Variants in NDRG1 observed in about 807,000 individuals in gnomAD.
NDRG1 encodes the protein N-myc downstream regulated 1.
A neutral mutation model predicts 56.9 loss-of-function variants in NDRG1; 32 were observed. The ratio of observed to expected loss-of-function variants is 0.56; its 90% CI spans 0.42 to 0.76. The LOEUF is 0.76. Among genes scored for constraint, NDRG1 ranks in the 30% least tolerant of loss-of-function variants. NDRG1 has a pLI of 0.00. For synonymous variants in NDRG1, 211 were observed against 204.1 expected, an observed-to-expected ratio of 1.03 and a Z score of -0.29; for missense variants, 507 against 545.7, an observed-to-expected ratio of 0.93 and a Z score of 0.71.
Position 133,237,582 on chromosome 8 carries a change from G to C in NDRG1, c.*1296C>G, listed in dbSNP as rs886062711. ...CGTCAGTGGTGCTGCCCCATTCGGC[G>C]AAAGGTTAGGGAGCAGGAAAAGAGG... is the stretch of plus-strand genomic sequence containing the variant. On this transcript the variant is annotated 3_prime_UTR_variant, in exon 16 of 16. Transcript: ENST00000323851. The C allele has an allele frequency of 4.3e-6, 1 of 233,218 alleles. No individual in the cohort carries two copies. The highest frequency in any genetic ancestry group is 8.5e-6 in the Non-Finnish European group (1 of 118,008). The allele number at this position is 233,218 out of a possible 1,614,324, so 14.4% of individuals were successfully genotyped here.
chr8:133,272,064 A>G (rs139985614), intron 3 of NDRG1, among the ~76,000 whole-genome samples: 85 of 152,302 alleles, frequency 5.6e-4, no homozygotes, highest in Non-Finnish European at 5.6e-4. Flanking sequence ...AGCCTCACAC[A>G]ATGGAAGACC....
intron 3 of NDRG1, 134 bp from the exon 4 acceptor site, chr8:133,264,786 G>A (rs1445406048): frequency 6.6e-6 from 5 of 758,376 alleles, no homozygotes; most frequent in Admixed American, 2.0e-5. Context: ...CCCCGGCTTC[G>A]GGCAGCAGCT....
chr8:133,246,365 C>T (rs971147095), intron 13 of NDRG1, among the ~76,000 whole-genome samples: 2 of 152,330 alleles, frequency 1.3e-5, no homozygotes, highest in Non-Finnish European at 2.9e-5. Context: ...CATCCCTGGT[C>T]CCTCTATCCC....
At chr8:133,247,848 C>G (rs200688872) in intron 12 of NDRG1, 27 bp downstream of exon 12, 41 of 1,612,676 alleles carry the variant, frequency 2.5e-5, no homozygotes, top group Admixed American at 3.3e-5. Context: ...GAATTAAACA[C>G]AGAAATCAGC....
At position 133,286,679 on chromosome 8, in the gene NDRG1, G is replaced by A. The variant is rs865968589; in HGVS notation, c.-18-2350C>T. 7.2e-5 allele frequency among the ~76,000 whole-genome samples: 11 copies of A among 152,328 alleles called. No homozygotes were observed. The South Asian group carries it at 2.1e-3, about 29-fold the overall frequency. ...TGGGAAGTCCAGAGATAAAACTGCT[G>A]AGGATGATCACGGGGTATATCTAAA... On this transcript the variant is annotated intron_variant, in intron 1 of 15. Transcript: ENST00000323851.
rs776830575 is a variant in NDRG1, at chr8:133,258,389, C to T, written c.427G>A (p.Ala143Thr). 16 of 1,612,134 alleles carry T rather than the reference C, an allele frequency of 9.9e-6. No individual in the cohort carries two copies. Among genetic ancestry groups the T allele is most frequent in the South Asian group, 3.3e-5 (3 of 90,568 alleles). Reference sequence around the variant, plus strand: ...ACAGCAAATCGAGTTAGGATGTAGGCGCCTGCTCCTGTTCCCATGCCAATA... The same window carrying T: ...ACAGCAAATCGAGTTAGGATGTAGGTGCCTGCTCCTGTTCCCATGCCAATA... ...SIIGMGTGAG[A>T]YILTRFALNN... The change falls in exon 7 of 16, where the codon GCC (alanine) becomes ACC (threonine). Residue 143 changes from alanine (A) to threonine (T), a missense_variant. Transcript: ENST00000323851.
chr8:133,273,419 G>A (rs1857293339), intron 3 of NDRG1, among the ~76,000 whole-genome samples: 1 of 152,160 alleles, frequency 6.6e-6, no homozygotes. Context: ...TCTCACCATG[G>A]CGTGACACTG....
Position 133,237,945 on chromosome 8 carries a change from C to CT in NDRG1, c.*932_*933insA, listed in dbSNP as rs1855150654. 1 of 233,062 alleles carries CT rather than the reference C, an allele frequency of 4.3e-6. No individual in the cohort carries two copies. The highest frequency in any genetic ancestry group is 5.6e-5 in the Admixed American group (1 of 17,774). The allele number at this position is 233,062 out of a possible 1,614,324, so 14.4% of individuals were successfully genotyped here. A position where few individuals can be genotyped will look rare whatever the true frequency, so the allele number is the denominator to read the frequency against. On this transcript the variant is annotated 3_prime_UTR_variant, in exon 16 of 16. Coordinates refer to ENST00000323851, the MANE Select transcript of NDRG1 (RefSeq NM_006096.4). ...CCACCCCCACCCCAGTGCTCCTACT[C>CT]CGGCCCCTGCAAGGACACTCATCAC... is the stretch of plus-strand genomic sequence containing the variant.
intron 3 of NDRG1, among the ~76,000 whole-genome samples, chr8:133,267,161 C>A (rs925298070): frequency 2.0e-5 from 3 of 152,120 alleles, no homozygotes; most frequent in Non-Finnish European, 4.4e-5. Flanking sequence ...CACTCATGGA[C>A]CAATCTCTCA....
At chr8:133,279,959 G>A (rs1857689065) in intron 3 of NDRG1, among the ~76,000 whole-genome samples, 2 of 152,034 alleles carry the variant, frequency 1.3e-5, no homozygotes, top group African/African-American at 4.8e-5. Flanking sequence ...CCCCACACAC[G>A]CCCCACCGTT....
At chr8:133,294,871 A>G (rs1369951623) in intron 1 of NDRG1, among the ~76,000 whole-genome samples, 1 of 152,198 alleles carries the variant, frequency 6.6e-6, no homozygotes, top group African/African-American at 2.4e-5. Flanking sequence ...TCGCCCCTCC[A>G]TAGCAGGCAG....
chr8:133,291,640 G>A (rs1858435323), intron 1 of NDRG1, among the ~76,000 whole-genome samples: 1 of 152,150 alleles, frequency 6.6e-6, no homozygotes, highest in Non-Finnish European at 1.5e-5. Flanking sequence ...TTAGGGAACT[G>A]TATCAGAGCA....
At chr8:133,282,691 G>A (rs1028007167) in intron 2 of NDRG1, among the ~76,000 whole-genome samples, 13 of 152,308 alleles carry the variant, frequency 8.5e-5, no homozygotes, top group African/African-American at 2.2e-4. Context: ...ATTTTTGTTG[G>A]AACACATTAA....
chr8:133,237,538 C>T lies in NDRG1; in HGVS notation c.*1340G>A, dbSNP rs12668. The T allele has an allele frequency of 2.4e-4, 55 of 233,104 alleles. No individual in the cohort carries two copies. The highest frequency in any genetic ancestry group is 3.8e-4 in the Non-Finnish European group (45 of 118,022). 14.4% of individuals were successfully genotyped at this position (233,104 alleles called of 1,614,324 possible). A position where few individuals can be genotyped will look rare whatever the true frequency, so the allele number is the denominator to read the frequency against. Reference sequence around the variant, plus strand: ...GGCAGTAGTACAGGAACCTGGCAGCCGCACTGGCCGCCCAGAAACGTCAGT... The same window carrying T: ...GGCAGTAGTACAGGAACCTGGCAGCTGCACTGGCCGCCCAGAAACGTCAGT... On this transcript the variant is annotated 3_prime_UTR_variant, in exon 16 of 16. Transcript: ENST00000323851.
intron 3 of NDRG1, among the ~76,000 whole-genome samples, chr8:133,268,863 T>TCTCA (rs139920944): frequency 2.0e-5 from 3 of 149,456 alleles, no homozygotes; most frequent in Non-Finnish European, 4.5e-5. Flanking sequence ...ATCCCCTAAG[T>TCTCA]CACACACACA....
chr8:133,272,291 T>C (rs565008558), intron 3 of NDRG1, among the ~76,000 whole-genome samples: 1 of 152,266 alleles, frequency 6.6e-6, no homozygotes, highest in Admixed American at 6.5e-5. Flanking sequence ...ACATCTTTGT[T>C]TGGATTAGGG....
chr8:133,241,885 C>CACCTA, intron 15 of NDRG1, 138 bp downstream of exon 15: 2 of 971,284 alleles, frequency 2.1e-6, no homozygotes, highest in Admixed American at 3.7e-5. Flanking sequence ...GCCCTCCACA[C>CACCTA]ACCTAACTGT....
In NDRG1 at chr8:133,278,135, G is replaced by T. The variant is rs116275259; in HGVS notation, c.99+2097C>A. Among the ~76,000 whole-genome samples the T allele has an allele frequency of 2.8e-3, 431 of 152,234 alleles. 1 individual carries two copies. The highest frequency in any genetic ancestry group is 1.0e-2 in the African/African-American group (415 of 41,530). On this transcript the variant is annotated intron_variant, in intron 3 of 15. Coordinates refer to ENST00000323851, the MANE Select transcript of NDRG1 (RefSeq NM_006096.4). ...GGCTGAGGGAGGCTGGGGTGGCCCG[G>T]CCCATCCCTGAATGAGCAGATGACC...
At chr8:133,242,785 C>CA (rs1263441938) in intron 14 of NDRG1, among the ~76,000 whole-genome samples, 2 of 69,194 alleles carry the variant, frequency 2.9e-5, no homozygotes, top group African/African-American at 7.2e-5. Context: ...AATTGATGGA[C>CA]AAAAGGAAGA....
Sources: gnomAD v4.1 joint callset for allele counts (sites outside exome capture counted in the v4.1 genomes callset) on GRCh38, gnomAD v4.1.1 for gene constraint, MANE v1.5 for transcripts, NCBI Gene and HGNC (gene_info 2026-07-23, HGNC 2026-07-21) for gene names.